PDE4D: variants seen among roughly 807,000 people sequenced by gnomAD.
PDE4D encodes the protein phosphodiesterase 4D.
A neutral mutation model predicts 87.4 loss-of-function variants in PDE4D; 24 were observed. That is an observed-to-expected ratio of 0.27 (90% CI 0.20 to 0.39). PDE4D has a LOEUF of 0.39. Ranked by LOEUF, PDE4D falls within the 10% of genes least tolerant of loss-of-function variation. The pLI, the probability that PDE4D is intolerant of heterozygous loss-of-function variation, is 1.00. For missense variants in PDE4D, 714 were observed against 1,041.0 expected (o/e 0.69, Z 4.32); for synonymous variants, 384 against 383.2 (o/e 1.00, Z -0.02).
At chr5:60,036,222 A>T (rs1314774591) in intron 2 of PDE4D, among the ~76,000 whole-genome samples, 1 of 152,248 alleles carries the variant, frequency 6.6e-6, no homozygotes, top group Non-Finnish European at 1.5e-5. Context: ...CTACAAGTTC[A>T]TGAGGTACAC....
chr5:59,051,161 CAGG>C (rs1219844756), intron 5 of PDE4D, among the ~76,000 whole-genome samples: 3 of 152,184 alleles, frequency 2.0e-5, no homozygotes, highest in Non-Finnish European at 1.5e-5. Context: ...CACTTGAGGC[CAGG>C]AGTTCAAGAC....
chr5:60,375,527 T>C (rs1463522137), intron 1 of PDE4D, among the ~76,000 whole-genome samples: 1 of 152,208 alleles, frequency 6.6e-6, no homozygotes, highest in Non-Finnish European at 1.5e-5. Flanking sequence ...GAGTACTTAA[T>C]TTGTGCCAGG....
intron 1 of PDE4D, among the ~76,000 whole-genome samples, chr5:60,319,650 C>A (rs1482603858): frequency 2.0e-5 from 3 of 152,138 alleles, no homozygotes; most frequent in Non-Finnish European, 4.4e-5. Flanking sequence ...GTGACGTACA[C>A]ATGAGGTTTT....
chr5:60,462,642 C>A (rs1329553557), intron 1 of PDE4D, among the ~76,000 whole-genome samples: 2 of 152,118 alleles, frequency 1.3e-5, no homozygotes, highest in African/African-American at 4.8e-5. Flanking sequence ...GATGGGACAC[C>A]AGCTCAACAG....
At position 59,546,914 on chromosome 5, in the gene PDE4D, T is replaced by A. The variant is rs186911882; in HGVS notation, c.456-330946A>T. Among the ~76,000 whole-genome samples, 396 of 152,256 alleles carry A rather than the reference T, an allele frequency of 2.6e-3. 1 individual carries two copies. The highest frequency in any genetic ancestry group is 6.8e-3 in the Middle Eastern group (2 of 294). ...ACTGGGTGAGTATACTCACTAACTT[T>A]ACTCAGTTACTAAAAGGCTAGTATC... On this transcript the variant is annotated intron_variant, in intron 1 of 14. Coordinates refer to ENST00000340635, the MANE Select transcript of PDE4D (RefSeq NM_001104631.2).
At chr5:59,118,837 G>T (rs1561516624) in intron 5 of PDE4D, among the ~76,000 whole-genome samples, 1 of 152,140 alleles carries the variant, frequency 6.6e-6, no homozygotes, top group Non-Finnish European at 1.5e-5. Context: ...TGTTCTGTTG[G>T]TCTCTGCTTA....
chr5:60,075,059 G>T (rs982100754), intron 2 of PDE4D, among the ~76,000 whole-genome samples: 8 of 152,146 alleles, frequency 5.3e-5, no homozygotes, highest in Admixed American at 3.3e-4. Flanking sequence ...TTGTTAGGTG[G>T]TTACTATGCA....
intron 1 of PDE4D, among the ~76,000 whole-genome samples, chr5:60,255,552 C>A (rs1489112501): frequency 6.6e-6 from 1 of 151,844 alleles, no homozygotes; most frequent in South Asian, 2.1e-4. Context: ...TAACCTAGGG[C>A]AACTCACATC....
At chr5:59,270,884 T>G (rs529341967) in intron 1 of PDE4D, among the ~76,000 whole-genome samples, 2 of 152,286 alleles carry the variant, frequency 1.3e-5, no homozygotes, top group Non-Finnish European at 2.9e-5. Context: ...TTATTTCATC[T>G]CACGGAATCA....
intron 3 of PDE4D, among the ~76,000 whole-genome samples, chr5:59,951,162 G>T (rs1365728990): frequency 6.6e-6 from 1 of 151,794 alleles, no homozygotes; most frequent in Non-Finnish European, 1.5e-5. Context: ...GTAAATAGAA[G>T]AAAAAAGAAC....
rs1780477234 is a variant in PDE4D at position 60,140,911 on chromosome 5, C to G, written c.42+44646G>C. Among the ~76,000 whole-genome samples the G allele has an allele frequency of 2.0e-5, 3 of 152,052 alleles. No homozygotes were observed. In the South Asian group the frequency reaches 6.2e-4, roughly 32 times the overall value. On this transcript the variant is annotated intron_variant, in intron 2 of 16. Coordinates refer to the PDE4D transcript ENST00000502484. ...AAAACTCACTCATGTGGGCTTAGGC[C>G]TTTATTAAACCTTTATTAAAAGGTT...
At chr5:59,876,503 A>G (rs1055661494) in intron 1 of PDE4D, among the ~76,000 whole-genome samples, 3 of 152,250 alleles carry the variant, frequency 2.0e-5, no homozygotes, top group East Asian at 3.9e-4. Flanking sequence ...ATTGATTGCT[A>G]AGAATGGACA....
chr5:60,029,225 A>C (rs1766963597), intron 2 of PDE4D, among the ~76,000 whole-genome samples: 2 of 152,204 alleles, frequency 1.3e-5, no homozygotes, highest in Admixed American at 1.3e-4. Flanking sequence ...AAAGGAAAAT[A>C]AATCTTGGGG....
intron 1 of PDE4D, among the ~76,000 whole-genome samples, chr5:60,471,503 C>T (rs2150193281): frequency 6.6e-6 from 1 of 152,236 alleles, no homozygotes; most frequent in East Asian, 1.9e-4. Context: ...CTGCATGTTA[C>T]ATAAAAATAT....
intron 1 of PDE4D, among the ~76,000 whole-genome samples, chr5:59,438,946 C>A (rs928694486): frequency 6.6e-6 from 1 of 152,182 alleles, no homozygotes; most frequent in African/African-American, 2.4e-5. Flanking sequence ...CAAAAGTTGT[C>A]TCCTTGTATT....
chr5:59,303,109 T>G (rs542531981), intron 1 of PDE4D, among the ~76,000 whole-genome samples: 1 of 152,328 alleles, frequency 6.6e-6, no homozygotes, highest in South Asian at 2.1e-4. Flanking sequence ...TCACATTTTG[T>G]GTTTTTGATT....
At chr5:59,671,886 T>G (rs1747274668) in intron 1 of PDE4D, among the ~76,000 whole-genome samples, 1 of 152,062 alleles carries the variant, frequency 6.6e-6, no homozygotes, top group Non-Finnish European at 1.5e-5. Context: ...TATGATGGAA[T>G]CTTTAGGAAA....
At chr5:59,468,576 A>G (rs1289051163) in intron 1 of PDE4D, among the ~76,000 whole-genome samples, 1 of 152,222 alleles carries the variant, frequency 6.6e-6, no homozygotes, top group Non-Finnish European at 1.5e-5. Context: ...AAAGCCACCA[A>G]GGAATGACTG....
intron 1 of PDE4D, among the ~76,000 whole-genome samples, chr5:59,732,919 T>TAAGTGAC (rs72066882): frequency 1.1e-4 from 17 of 152,198 alleles, no homozygotes; most frequent in South Asian, 4.1e-4. Context: ...TTCACATGGA[T>TAAGTGAC]TTGAGTTAAG....
Sources: allele counts gnomAD v4.1 joint callset (sites outside exome capture counted in the v4.1 genomes callset), GRCh38; gene constraint gnomAD v4.1.1; transcripts MANE v1.5; gene names NCBI Gene and HGNC (gene_info 2026-07-23, HGNC 2026-07-21).